The following TMEM230 variants were observed in gnomAD, a reference collection of about 807,000 sequenced individuals.
TMEM230 encodes UPF0414 transmembrane protein C20orf30.
TMEM230 carries 10 observed loss-of-function variants against 15.8 expected under a neutral mutation model. The ratio of observed to expected loss-of-function variants is 0.63; its 90% CI spans 0.39 to 1.07. The LOEUF is 1.07. TMEM230 is among the 50% of genes least tolerant of loss of function. The pLI is 0.01. For missense variants in TMEM230, 165 were observed against 193.3 expected, an observed-to-expected ratio of 0.85 and a Z score of 0.87; for synonymous variants, 67 against 76.9, an observed-to-expected ratio of 0.87 and a Z score of 0.68.
Position 5,069,261 on chromosome 20 carries a change from C to G in TMEM230, c.311G>C (p.Gly104Ala), listed in dbSNP as rs1451539651. The G allele has an allele frequency of 5.2e-6, 8 of 1,535,982 alleles. No homozygotes were observed. In the African/African-American group the frequency reaches 1.1e-4, roughly 21 times the overall value. The change falls in exon 4 of 4, where the codon GGG (glycine) becomes GCG (alanine). Residue 104 changes from glycine to alanine, a missense_variant. Physicochemically the swap from Gly to Ala is moderately conservative, Grantham distance 60. Coordinates refer to the TMEM230 transcript ENST00000612323. ...GCTGAGTCCTCCTTCGGGACTCCTC[C>G]CACTGATGCCTCCCATCATGTACCC...
chr20:5,109,496 C>T (rs2090229055), intron 2 of TMEM230, 51 bp from the exon 2 acceptor site: 6 of 1,375,614 alleles, frequency 4.4e-6, no homozygotes, highest in African/African-American at 2.8e-5. Flanking sequence ...GACAATGGTG[C>T]ATTATAGCCA....
intron 3 of TMEM230, among the ~76,000 whole-genome samples, chr20:5,082,574 C>G (rs908225715): frequency 6.6e-6 from 1 of 152,088 alleles, no homozygotes; most frequent in Non-Finnish European, 1.5e-5. Context: ...TCCTGAGTAG[C>G]TGGGATTACA....
chr20:5,097,390 G>A (rs1416540309), downstream of TMEM230, among the ~76,000 whole-genome samples: 1 of 152,176 alleles, frequency 6.6e-6, no homozygotes, highest in East Asian at 1.9e-4. Flanking sequence ...ATGACTAACA[G>A]GAGGCATAAG....
chr20:5,071,698 C>T lies in TMEM230; in HGVS notation c.223-2349G>A, dbSNP rs546280343. Among the ~76,000 whole-genome samples, 118 of 151,024 alleles carry T rather than the reference C, an allele frequency of 7.8e-4. 1 individual carries two copies. The highest frequency in any genetic ancestry group is 2.8e-3 in the African/African-American group (114 of 41,124). On this transcript the variant is annotated intron_variant, in intron 3 of 3. Coordinates refer to the TMEM230 transcript ENST00000612323. ...ACGTATATAGCAAGGTGAATACAGA[C>T]ATTAATATGTGCATTTAGAGAAAGA... is the stretch of plus-strand genomic sequence containing the variant.
the TMEM230 span, among the ~76,000 whole-genome samples, chr20:5,063,019 G>T: frequency 1.3e-5 from 2 of 152,100 alleles, no homozygotes; most frequent in Admixed American, 6.6e-5. Context: ...TAAGTTACGA[G>T]GGAGGGACAT....
In TMEM230 at chr20:5,109,353, G is replaced by C. The variant is rs150715254; in HGVS notation, c.267C>G (p.Asp89Glu). The C allele has an allele frequency of 3.2e-5, 52 of 1,612,678 alleles. No homozygotes were observed. The African/African-American group carries it at 6.7e-4, about 21-fold the overall frequency. ...TTACCTGAAGGTCAATGTAGCCATC[G>C]TCTGTGCTGGAGAGCCTTGAATATT... The change falls in exon 3 of 5, where the codon GAC (aspartate) becomes GAG (glutamate). Residue 89 changes from aspartate (D) to glutamate (E), a missense_variant. Transcript: ENST00000342308.
At chr20:5,063,097 T>C in the TMEM230 span, among the ~76,000 whole-genome samples, 2 of 151,816 alleles carry the variant, frequency 1.3e-5, no homozygotes, top group East Asian at 3.9e-4. Flanking sequence ...TGTCCTACTG[T>C]GAATGTCTAA....
At chr20:5,110,123 C>G (rs1468884418) in intron 2 of TMEM230, among the ~76,000 whole-genome samples, 12 of 152,072 alleles carry the variant, frequency 7.9e-5, no homozygotes, top group Admixed American at 7.2e-4. Flanking sequence ...GTGGGTTGAT[C>G]TCAGCTCACT....
chr20:5,110,142 C>G (rs969849649), intron 2 of TMEM230, among the ~76,000 whole-genome samples: 1 of 152,092 alleles, frequency 6.6e-6, no homozygotes, highest in Non-Finnish European at 1.5e-5. Context: ...CTACAACCAC[C>G]GCCTCCCAGG....
chr20:5,094,957 C>T (rs766930267), downstream of TMEM230, among the ~76,000 whole-genome samples: 39 of 152,188 alleles, frequency 2.6e-4, no homozygotes, highest in Middle Eastern at 3.4e-3. Context: ...CTCACAACTA[C>T]GGGCAAAGGG....
chr20:5,109,901 G>A (rs1374275641), intron 2 of TMEM230, among the ~76,000 whole-genome samples: 1 of 152,200 alleles, frequency 6.6e-6, no homozygotes, highest in Non-Finnish European at 1.5e-5. Flanking sequence ...ATACTCAAAT[G>A]ATTCTCTTGT....
At chr20:5,106,102 C>G (rs1202399664) in intron 4 of TMEM230, 86 bp downstream of exon 3, 1 of 1,512,966 alleles carries the variant, frequency 6.6e-7, no homozygotes, top group African/African-American at 1.4e-5. Flanking sequence ...CACACACACA[C>G]ACACACACAC....
rs1410903807 is a variant in TMEM230, at chr20:5,106,219, G to A, written c.380C>T (p.Ser127Phe). The change falls in exon 4 of 5, where the codon TCC becomes TTC. Residue 127 changes from serine to phenylalanine, a missense_variant. By Grantham distance (155) the Ser-to-Phe change is radical. Coordinates refer to ENST00000342308, the MANE Select transcript of TMEM230 (RefSeq NM_001009923.2). ...GCTGATGTAGCCTGACAGCAGGAGG[G>A]AGCCTATAATAATGAGAAAGGCGCC... 1 of 1,613,752 alleles carries A rather than the reference G, an allele frequency of 6.2e-7. No individual in the cohort carries two copies. Among genetic ancestry groups the A allele is most frequent in the Non-Finnish European group, 8.5e-7 (1 of 1,179,902 alleles).
chr20:5,101,975 C>T (rs2089888067), intron 4 of TMEM230, among the ~76,000 whole-genome samples: 1 of 152,226 alleles, frequency 6.6e-6, no homozygotes, highest in African/African-American at 2.4e-5. Flanking sequence ...ATGTCCATGG[C>T]ACTGCACAGC....
At chr20:5,085,663 T>C (rs1389642281) in intron 3 of TMEM230, among the ~76,000 whole-genome samples, 1 of 152,102 alleles carries the variant, frequency 6.6e-6, no homozygotes, top group Non-Finnish European at 1.5e-5. Flanking sequence ...TGTCAGGAGT[T>C]GTGATATGGG....
At chr20:5,066,804 T>G (rs2088661109), downstream of TMEM230, among the ~76,000 whole-genome samples, 1 of 152,086 alleles carries the variant, frequency 6.6e-6, no homozygotes, top group African/African-American at 2.4e-5. Context: ...CCCGGGTTCA[T>G]GCTCATCATC....
Position 5,100,342 on chromosome 20 carries a change from C to G in TMEM230, c.*449G>C, listed in dbSNP as rs2089803873. On this transcript the variant is annotated 3_prime_UTR_variant, in exon 5 of 5. Transcript: ENST00000342308. ...TCTTTGATTTTACTAAGGTCTTCCA[C>G]TGGAACATGAAGGTAGGGATAAGTG... 1 of 985,394 alleles carries G rather than the reference C, an allele frequency of 1.0e-6. No homozygotes were observed. The highest frequency in any genetic ancestry group is 6.2e-5 in the Admixed American group (1 of 16,250). 61.0% of individuals were successfully genotyped at this position (985,394 alleles called of 1,614,324 possible). A position where few individuals can be genotyped will look rare whatever the true frequency, so the allele number is the denominator to read the frequency against.
At chr20:5,077,132 C>T (rs865891863) in intron 3 of TMEM230, among the ~76,000 whole-genome samples, 3 of 151,548 alleles carry the variant, frequency 2.0e-5, no homozygotes, top group African/African-American at 7.3e-5. Context: ...ATAGTGAGAC[C>T]CCATCTCTAC....
At chr20:5,111,925 C>A (rs1568512710) in intron 1 of TMEM230, 1 of 267,684 alleles carries the variant, frequency 3.7e-6, no homozygotes, top group Non-Finnish European at 5.8e-6. Context: ...CAGCTCACTG[C>A]AACCTCCGCC....
Sources: gnomAD v4.1 joint callset for allele counts (sites outside exome capture counted in the v4.1 genomes callset) on GRCh38, gnomAD v4.1.1 for gene constraint, MANE v1.5 for transcripts, NCBI Gene and HGNC (gene_info 2026-07-23, HGNC 2026-07-21) for gene names.